Variants in KCTD16 observed in about 807,000 individuals in gnomAD.
The protein encoded by KCTD16 is potassium channel tetramerization domain containing 16, also known as BTB/POZ domain-containing protein KCTD16.
A neutral mutation model predicts 33.2 loss-of-function variants in KCTD16; 13 were observed. The ratio of observed to expected loss-of-function variants is 0.39; its 90% CI spans 0.25 to 0.62. The LOEUF is 0.62. KCTD16 is among the 20% of genes least tolerant of loss of function. The probability of loss-of-function intolerance (pLI) is 0.50; values close to 1 mark genes in which losing one functional copy is unlikely to be tolerated. For missense variants in KCTD16, 441 were observed against 525.1 expected, an observed-to-expected ratio of 0.84 and a Z score of 1.57; for synonymous variants, 197 against 195.3, an observed-to-expected ratio of 1.01 and a Z score of -0.07.
chr5:144,231,676 T>C (rs1754107476), intron 3 of KCTD16, among the ~76,000 whole-genome samples: 1 of 152,078 alleles, frequency 6.6e-6, no homozygotes, highest in South Asian at 2.1e-4. Context: ...CCCCATACTG[T>C]TCTCATGATA....
chr5:144,425,820 C>T (rs991442585), intron 3 of KCTD16, among the ~76,000 whole-genome samples: 1 of 152,022 alleles, frequency 6.6e-6, no homozygotes, highest in African/African-American at 2.4e-5. Flanking sequence ...TTCTGCCCTC[C>T]TAGAGCTCTG....
chr5:144,283,551 C>T (rs1480866467), intron 3 of KCTD16, among the ~76,000 whole-genome samples: 1 of 152,172 alleles, frequency 6.6e-6, no homozygotes, highest in Non-Finnish European at 1.5e-5. Flanking sequence ...CCTGAAGTCC[C>T]TATATTATGT....
chr5:144,196,600 C>T (rs2126783142), intron 2 of KCTD16, among the ~76,000 whole-genome samples: 1 of 152,212 alleles, frequency 6.6e-6, no homozygotes, highest in East Asian at 1.9e-4. Context: ...CTCTCAAGAC[C>T]TCATTTAAAT....
chr5:144,467,833 C>G (rs1031949963), intron 3 of KCTD16, among the ~76,000 whole-genome samples: 5 of 152,132 alleles, frequency 3.3e-5, no homozygotes, highest in African/African-American at 1.2e-4. Flanking sequence ...GGTGTTGTCT[C>G]TCAGCTCCAA....
At chr5:144,336,914 A>C (rs1752507023) in intron 3 of KCTD16, among the ~76,000 whole-genome samples, 1 of 151,960 alleles carries the variant, frequency 6.6e-6, no homozygotes, top group African/African-American at 2.4e-5. Flanking sequence ...AATTATATAA[A>C]ATCTAAGAGA....
chr5:144,333,706 C>T (rs571772784), intron 3 of KCTD16, among the ~76,000 whole-genome samples: 1 of 152,108 alleles, frequency 6.6e-6, no homozygotes, highest in Non-Finnish European at 1.5e-5. Flanking sequence ...CTGGGCATGT[C>T]CATGGCAAAG....
chr5:144,267,506 C>T (rs1452306168), intron 3 of KCTD16, among the ~76,000 whole-genome samples: 2 of 152,156 alleles, frequency 1.3e-5, no homozygotes, highest in Non-Finnish European at 2.9e-5. Flanking sequence ...AGAAGGCAAG[C>T]AGCAAATATT....
chr5:144,251,808 G>C (rs1244982145), intron 3 of KCTD16, among the ~76,000 whole-genome samples: 1 of 152,092 alleles, frequency 6.6e-6, no homozygotes, highest in East Asian at 1.9e-4. Flanking sequence ...ATCTATTCTT[G>C]AAAAGTTAGG....
At chr5:144,393,771 A>C (rs2126940350) in intron 3 of KCTD16, among the ~76,000 whole-genome samples, 1 of 152,268 alleles carries the variant, frequency 6.6e-6, no homozygotes, top group Non-Finnish European at 1.5e-5. Context: ...GAATGGGAAG[A>C]GTTAATTGCC....
In KCTD16 at chr5:144,473,823, C is replaced by T. The variant is rs771594591; in HGVS notation, c.996C>T (p.Pro332=). 1.2e-5 allele frequency: 20 copies of T among 1,613,956 alleles called. No individual in the cohort carries two copies. In the South Asian group the frequency reaches 1.3e-4, roughly 11 times the overall value. The change falls in exon 4 of 4, where the codon CCC becomes CCT. Residue 332 remains proline, a synonymous_variant. Coordinates refer to ENST00000512467, the MANE Select transcript of KCTD16 (RefSeq NM_020768.4). ...SSPQETVICG[P]VTRQTNIQTL... ...CCCAGGAGACGGTCATCTGTGGTCC[C>T]GTGACACGCCAGACCAACATCCAGA...
chr5:144,374,814 C>T (rs1471351348), intron 3 of KCTD16, among the ~76,000 whole-genome samples: 1 of 152,054 alleles, frequency 6.6e-6, no homozygotes, highest in Non-Finnish European at 1.5e-5. Flanking sequence ...CTCTCATTAC[C>T]ACAACATCTT....
At chr5:144,326,895 T>C (rs1752220580) in intron 3 of KCTD16, among the ~76,000 whole-genome samples, 1 of 152,176 alleles carries the variant, frequency 6.6e-6, no homozygotes, top group Non-Finnish European at 1.5e-5. Context: ...TGTCCCTATA[T>C]TATAACATTA....
intron 3 of KCTD16, among the ~76,000 whole-genome samples, chr5:144,464,612 A>G (rs1006313261): frequency 1.3e-5 from 2 of 152,238 alleles, no homozygotes; most frequent in Non-Finnish European, 2.9e-5. Flanking sequence ...AGCACTTACT[A>G]TCACACATGA....
chr5:144,235,228 A>G (rs1233798846), intron 3 of KCTD16, among the ~76,000 whole-genome samples: 1 of 152,136 alleles, frequency 6.6e-6, no homozygotes, highest in Non-Finnish European at 1.5e-5. Flanking sequence ...TTAACAATCC[A>G]ATCCTTTAGA....
intron 3 of KCTD16, among the ~76,000 whole-genome samples, chr5:144,419,256 C>T (rs1171765635): frequency 6.6e-6 from 1 of 152,140 alleles, no homozygotes; most frequent in Admixed American, 6.6e-5. Flanking sequence ...CCTTTTCAGT[C>T]CTGAAAGGTT....
At chr5:144,393,304 A>C (rs1004264447) in intron 3 of KCTD16, among the ~76,000 whole-genome samples, 1 of 152,138 alleles carries the variant, frequency 6.6e-6, no homozygotes, top group Non-Finnish European at 1.5e-5. Flanking sequence ...ACTCATTATT[A>C]TTTATATGTC....
intron 3 of KCTD16, among the ~76,000 whole-genome samples, chr5:144,361,965 CTTGT>C (rs1204746264): frequency 6.7e-6 from 1 of 149,710 alleles, no homozygotes; most frequent in African/African-American, 2.5e-5. Flanking sequence ...TTATCTAGCA[CTTGT>C]TTCTGGGGAA....
intron 3 of KCTD16, among the ~76,000 whole-genome samples, chr5:144,412,677 G>A (rs1752958342): frequency 6.6e-6 from 1 of 152,150 alleles, no homozygotes; most frequent in Non-Finnish European, 1.5e-5. Context: ...CTTGAGGTCA[G>A]GAGTTCAAGA....
At chr5:144,429,647 C>T (rs1250821242) in intron 3 of KCTD16, among the ~76,000 whole-genome samples, 1 of 151,970 alleles carries the variant, frequency 6.6e-6, no homozygotes, top group African/African-American at 2.4e-5. Context: ...ATTGACATTA[C>T]CATGAGGGCC....
Sources: allele counts gnomAD v4.1 joint callset (sites outside exome capture counted in the v4.1 genomes callset), GRCh38; gene constraint gnomAD v4.1.1; transcripts MANE v1.5; gene names NCBI Gene and HGNC (gene_info 2026-07-23, HGNC 2026-07-21).